Variants in PCDH15 observed in about 807,000 individuals in gnomAD.
The protein encoded by PCDH15 is protocadherin related 15, also known as protocadherin-15.
A neutral mutation model predicts 178.5 loss-of-function variants in PCDH15; 129 were observed. The ratio of observed to expected loss-of-function variants is 0.72; its 90% CI spans 0.63 to 0.84. PCDH15 has a LOEUF of 0.84. Among genes scored for constraint, PCDH15 ranks in the 40% least tolerant of loss-of-function variants. PCDH15 has a pLI of 0.00. For missense variants in PCDH15, 2,230 were observed against 2,099.9 expected (o/e 1.06, Z -1.21); for synonymous variants, 800 against 732.0 (o/e 1.09, Z -1.50).
intron 2 of PCDH15, among the ~76,000 whole-genome samples, chr10:55,137,160 G>T (rs529420969): frequency 6.6e-6 from 1 of 152,094 alleles, no homozygotes; most frequent in South Asian, 2.1e-4. Flanking sequence ...GTCATGTACC[G>T]CATGATATTT....
intron 1 of PCDH15, among the ~76,000 whole-genome samples, chr10:54,791,105 C>A (rs1337869698): frequency 6.6e-6 from 1 of 151,778 alleles, no homozygotes. Context: ...ATTTTTGAAA[C>A]CAGTAATTAT....
chr10:55,132,985 G>C (rs1412973528), intron 2 of PCDH15, among the ~76,000 whole-genome samples: 1 of 152,070 alleles, frequency 6.6e-6, no homozygotes, highest in Non-Finnish European at 1.5e-5. Context: ...AAACATTTCT[G>C]GTGAAAAAAT....
chr10:54,899,854 T>C (rs570776092), intron 2 of PCDH15, among the ~76,000 whole-genome samples: 11 of 69,218 alleles, frequency 1.6e-4, no homozygotes, highest in Non-Finnish European at 3.0e-4. Flanking sequence ...GAATGACATA[T>C]TTTTCAAATA....
intron 2 of PCDH15, among the ~76,000 whole-genome samples, chr10:55,328,923 T>C (rs1588918804): frequency 1.3e-5 from 1 of 75,486 alleles, no homozygotes; most frequent in Non-Finnish European, 3.3e-5. Context: ...CATATATATA[T>C]ATATATATAT....
chr10:54,326,034 T>C (rs1037028210), intron 7 of PCDH15, among the ~76,000 whole-genome samples: 9 of 152,150 alleles, frequency 5.9e-5, no homozygotes, highest in African/African-American at 1.9e-4. Context: ...TTACTATTGG[T>C]ATATACAAAA....
intron 2 of PCDH15, among the ~76,000 whole-genome samples, chr10:55,529,233 T>G (rs1841387709): frequency 6.6e-6 from 1 of 152,128 alleles, no homozygotes; most frequent in African/African-American, 2.4e-5. Flanking sequence ...TTAGTTTAAT[T>G]AGATCCCACT....
At chr10:54,204,514 T>C (rs1394830136) in intron 10 of PCDH15, among the ~76,000 whole-genome samples, 1 of 152,092 alleles carries the variant, frequency 6.6e-6, no homozygotes, top group Non-Finnish European at 1.5e-5. Flanking sequence ...GGTTGTTAGT[T>C]ACATGATTAA....
At chr10:55,016,584 G>A (rs1270964839) in intron 2 of PCDH15, among the ~76,000 whole-genome samples, 1 of 152,052 alleles carries the variant, frequency 6.6e-6, no homozygotes, top group South Asian at 2.1e-4. Flanking sequence ...ACAAGATCTC[G>A]TTCTTTCTTG....
chr10:55,447,176 C>T (rs1304734181), intron 2 of PCDH15, among the ~76,000 whole-genome samples: 1 of 152,028 alleles, frequency 6.6e-6, no homozygotes, highest in Non-Finnish European at 1.5e-5. Context: ...TAACTCCATA[C>T]TTTCTGGAGG....
intron 2 of PCDH15, among the ~76,000 whole-genome samples, chr10:54,616,988 T>C (rs908870918): frequency 1.3e-5 from 2 of 151,668 alleles, no homozygotes; most frequent in Non-Finnish European, 2.9e-5. Context: ...TCATTAAGGA[T>C]CACTGTTGTT....
intron 1 of PCDH15, among the ~76,000 whole-genome samples, chr10:54,687,364 A>G (rs61854060): frequency 0.012 from 1,808 of 152,148 alleles, 12 homozygotes; most frequent in Non-Finnish European, 0.02. Context: ...TAGTACTCTT[A>G]TGCTCATTGC....
intron 2 of PCDH15, among the ~76,000 whole-genome samples, chr10:55,351,265 T>C (rs189839822): frequency 1.4e-3 from 212 of 151,890 alleles, no homozygotes; most frequent in African/African-American, 4.8e-3. Flanking sequence ...GCGTGACTCA[T>C]GAATACATCC....
intron 1 of PCDH15, among the ~76,000 whole-genome samples, chr10:55,245,388 C>CA (rs1237952306): frequency 6.6e-6 from 1 of 151,962 alleles, no homozygotes; most frequent in East Asian, 1.9e-4. Flanking sequence ...AACACCCCCC[C>CA]AAAACATCTT....
intron 1 of PCDH15, among the ~76,000 whole-genome samples, chr10:55,294,077 G>A (rs192264225): frequency 5.9e-5 from 9 of 152,288 alleles, no homozygotes; most frequent in African/African-American, 2.2e-4. Flanking sequence ...TCATAGTCAT[G>A]GCAGAAAGCA....
intron 2 of PCDH15, among the ~76,000 whole-genome samples, chr10:55,550,817 C>T (rs1841989195): frequency 6.6e-6 from 1 of 152,076 alleles, no homozygotes; most frequent in African/African-American, 2.4e-5. Context: ...ATCTTACCTT[C>T]TTCTACTTCA....
chr10:55,601,157 A>G (rs2132144625), intron 2 of PCDH15, among the ~76,000 whole-genome samples: 1 of 152,244 alleles, frequency 6.6e-6, no homozygotes, highest in African/African-American at 2.4e-5. Context: ...CTCTCCATAT[A>G]TTACGAGATC....
chr10:55,075,343 A>T (rs929421350), intron 2 of PCDH15, among the ~76,000 whole-genome samples: 18 of 150,098 alleles, frequency 1.2e-4, no homozygotes, highest in African/African-American at 4.4e-4. Context: ...TTAGCTCTAT[A>T]ACAGATTATC....
At chr10:55,195,903 T>C (rs1341354394) in intron 1 of PCDH15, among the ~76,000 whole-genome samples, 1 of 152,094 alleles carries the variant, frequency 6.6e-6, no homozygotes, top group Non-Finnish European at 1.5e-5. Context: ...TTTGAAAATA[T>C]GTAGTGCAAG....
At chr10:54,404,166 A>G (rs1952306087) in intron 3 of PCDH15, among the ~76,000 whole-genome samples, 1 of 151,774 alleles carries the variant, frequency 6.6e-6, no homozygotes, top group African/African-American at 2.4e-5. Flanking sequence ...AAAATATTCT[A>G]TTTTAATATT....
Sources: gnomAD v4.1 joint callset for allele counts (sites outside exome capture counted in the v4.1 genomes callset) on GRCh38, gnomAD v4.1.1 for gene constraint, MANE v1.5 for transcripts, NCBI Gene and HGNC (gene_info 2026-07-23, HGNC 2026-07-21) for gene names.